TRIP11: variants seen among roughly 807,000 people sequenced by gnomAD.
The protein encoded by TRIP11 is thyroid receptor-interacting protein 11.
In TRIP11, 148 loss-of-function variants were observed where a neutral mutation model predicts 223.1. That is an observed-to-expected ratio of 0.66 (90% confidence interval 0.58 to 0.76). The LOEUF (loss-of-function observed/expected upper bound fraction) is 0.76, where lower values mean the gene tolerates loss of function less well. TRIP11 is among the 30% of genes least tolerant of loss of function. TRIP11 has a pLI of 0.00. For missense variants in TRIP11, 2,043 were observed against 2,222.0 expected (o/e 0.92, Z 1.62); for synonymous variants, 762 against 772.6 (o/e 0.99, Z 0.23).
intron 15 of TRIP11, among the ~76,000 whole-genome samples, chr14:91,992,383 A>C (rs1308836951): frequency 1.3e-5 from 2 of 152,118 alleles, no homozygotes; most frequent in Admixed American, 1.3e-4. Context: ...TATTTCTTAC[A>C]CTGGGTGGTG....
intron 1 of TRIP11, among the ~76,000 whole-genome samples, chr14:92,033,889 C>A (rs1006570737): frequency 5.9e-5 from 9 of 152,048 alleles, no homozygotes; most frequent in African/African-American, 1.2e-4. Context: ...AGGCATACCC[C>A]CCGAGTCTGC....
intron 2 of TRIP11, among the ~76,000 whole-genome samples, chr14:92,026,205 G>GA (rs2057184432): frequency 6.6e-6 from 1 of 151,924 alleles, no homozygotes; most frequent in Non-Finnish European, 1.5e-5. Flanking sequence ...AAGGACCTCG[G>GA]AAAAAATCCA....
intron 17 of TRIP11, among the ~76,000 whole-genome samples, chr14:91,975,566 G>A (rs1242217871): frequency 3.3e-5 from 5 of 152,082 alleles, no homozygotes; most frequent in East Asian, 3.9e-4. Context: ...CCGAGGTGGC[G>A]CCTCCTTAGT....
At chr14:92,033,934 A>C (rs2057296058) in intron 1 of TRIP11, among the ~76,000 whole-genome samples, 1 of 152,158 alleles carries the variant, frequency 6.6e-6, no homozygotes. Context: ...CTGAAGGGAA[A>C]GGAATGTGCT....
intron 2 of TRIP11, chr14:92,030,560 T>A (rs1219518448): frequency 6.6e-6 from 1 of 152,058 alleles, no homozygotes; most frequent in Non-Finnish European, 1.5e-5. Flanking sequence ...GCGAATTTTG[T>A]ATTTTTAGTA....
At chr14:91,974,304 C>T (rs376033669) in intron 19 of TRIP11, among the ~76,000 whole-genome samples, 16 of 152,204 alleles carry the variant, frequency 1.1e-4, no homozygotes, top group East Asian at 5.8e-4. Flanking sequence ...CATACATAGA[C>T]GAATAAAATA....
chr14:92,003,324 CACAGTCCCCTTCAAAG>C, intron 11 of TRIP11, 79 bp downstream of exon 11: 1 of 1,496,744 alleles, frequency 6.7e-7, no homozygotes, highest in Non-Finnish European at 9.1e-7. Flanking sequence ...TGAACAAATG[CACAGTCCCCTTCAAAG>C]ACAATATAAA....
intron 2 of TRIP11, among the ~76,000 whole-genome samples, chr14:92,029,650 ACAC>A (rs1010988083): frequency 6.6e-6 from 1 of 152,096 alleles, no homozygotes; most frequent in Non-Finnish European, 1.5e-5. Context: ...CTGTCTACAG[ACAC>A]CACTTTTTGT....
At chr14:92,026,248 A>C (rs1301538465) in intron 2 of TRIP11, among the ~76,000 whole-genome samples, 1 of 152,196 alleles carries the variant, frequency 6.6e-6, no homozygotes, top group Admixed American at 6.5e-5. Context: ...TGTTTGAAAA[A>C]AGTTAAAAGT....
In TRIP11 at chr14:91,981,023, T is replaced by A. The variant is rs1442242115; in HGVS notation, c.5261-4834A>T. Among the ~76,000 whole-genome samples the A allele has an allele frequency of 5.5e-3, 717 of 129,758 alleles. 4 individuals carry two copies. The highest frequency in any genetic ancestry group is 0.019 in the African/African-American group (616 of 31,876). The allele number at this position is 129,758 out of a possible 152,430, so 85.1% of individuals were successfully genotyped here. A position where few individuals can be genotyped will look rare whatever the true frequency, so the allele number is the denominator to read the frequency against. ...ATATATATATATATATTTTTTTTTT[T>A]TTTTTTTTTTTTTGAGACAGAGTCT... On this transcript the variant is annotated intron_variant, in intron 16 of 20. Transcript: ENST00000267622.
chr14:92,005,406 G>C lies in TRIP11; in HGVS notation c.2570C>G (p.Ser857Cys). The change falls in exon 11 of 21, where the codon TCC becomes TGC. Residue 857 changes from serine (S) to cysteine (C), a missense_variant. By Grantham distance (112) the Ser-to-Cys change is moderately radical. Coordinates refer to ENST00000267622, the MANE Select transcript of TRIP11 (RefSeq NM_004239.4). ...TIEEKDRSLG[S>C]MKEENNHLQE... ...CAGATGATTATTTTCCTCTTTCATG[G>C]ATCCAAGACTTCGGTCTTTTTCCTC... 1 of 1,614,002 alleles carries C rather than the reference G, an allele frequency of 6.2e-7. No homozygotes were observed. Among genetic ancestry groups the C allele is most frequent in the Non-Finnish European group, 8.5e-7 (1 of 1,180,018 alleles).
chr14:91,997,438 T>C (rs1286423143), intron 13 of TRIP11, among the ~76,000 whole-genome samples: 2 of 152,046 alleles, frequency 1.3e-5, no homozygotes, highest in Non-Finnish European at 2.9e-5. Flanking sequence ...TAAATTAAAA[T>C]ATAAGTGCCC....
At chr14:91,997,342 T>C (rs572404278) in intron 13 of TRIP11, among the ~76,000 whole-genome samples, 8 of 152,304 alleles carry the variant, frequency 5.3e-5, no homozygotes, top group African/African-American at 1.9e-4. Flanking sequence ...AGGTAGAAAA[T>C]GAATGAGCCC....
At chr14:92,007,032 T>A (rs2056913247) in intron 10 of TRIP11, among the ~76,000 whole-genome samples, 1 of 98,746 alleles carries the variant, frequency 1.0e-5, no homozygotes, top group Admixed American at 8.6e-5. Context: ...GTAAATAGTA[T>A]TTTTTTTTTT....
intron 1 of TRIP11, among the ~76,000 whole-genome samples, chr14:92,038,839 C>T (rs987125254): frequency 1.3e-5 from 2 of 152,072 alleles, no homozygotes; most frequent in Non-Finnish European, 2.9e-5. Flanking sequence ...CTAATGTAGC[C>T]ATTGATTACC....
chr14:91,984,753 T>C (rs990267491), intron 16 of TRIP11, among the ~76,000 whole-genome samples: 1 of 152,184 alleles, frequency 6.6e-6, no homozygotes, highest in Non-Finnish European at 1.5e-5. Context: ...TAATTTCTCA[T>C]CAATAGCAAT....
rs2056376247 is a variant in TRIP11, at chr14:91,969,620, A to G, written c.*53T>C. On this transcript the variant is annotated 3_prime_UTR_variant, in exon 21 of 21. Coordinates refer to ENST00000267622, the MANE Select transcript of TRIP11 (RefSeq NM_004239.4). ...CCACTTTGTGATAAAGTACATACATATAGTGTTCATGGTTTCTTTAAAGTG... is the reference window on the plus strand; with the variant it reads ...CCACTTTGTGATAAAGTACATACATGTAGTGTTCATGGTTTCTTTAAAGTG... The G allele has an allele frequency of 3.2e-6, 5 of 1,557,568 alleles. No homozygotes were observed. The South Asian group carries it at 3.3e-5, about 10-fold the overall frequency.
At chr14:92,016,433 C>T (rs956686699) in intron 5 of TRIP11, among the ~76,000 whole-genome samples, 5 of 152,104 alleles carry the variant, frequency 3.3e-5, no homozygotes, top group East Asian at 3.9e-4. Context: ...CACTGGGTCC[C>T]GCCACCCAGA....
intron 5 of TRIP11, among the ~76,000 whole-genome samples, chr14:92,016,825 G>A (rs1402332471): frequency 6.6e-6 from 1 of 152,036 alleles, no homozygotes; most frequent in African/African-American, 2.4e-5. Flanking sequence ...TCAAACACAG[G>A]TCTGATCCGG....
Sources: allele counts gnomAD v4.1 joint callset (sites outside exome capture counted in the v4.1 genomes callset), GRCh38; gene constraint gnomAD v4.1.1; transcripts MANE v1.5; gene names NCBI Gene and HGNC (gene_info 2026-07-23, HGNC 2026-07-21).